The following SPTLC3 variants were observed in gnomAD, a reference collection of about 807,000 sequenced individuals.
The protein encoded by SPTLC3 is serine palmitoyltransferase 3.
SPTLC3 carries 36 observed loss-of-function variants against 59.3 expected under a neutral mutation model. The observed-to-expected ratio is 0.61, with a 90% CI of 0.47 to 0.80. The LOEUF (loss-of-function observed/expected upper bound fraction) is 0.80, where lower values mean the gene tolerates loss of function less well. SPTLC3 is among the 30% of genes least tolerant of loss of function. The probability of loss-of-function intolerance (pLI) is 0.00; values close to 1 mark genes in which losing one functional copy is unlikely to be tolerated. For synonymous variants in SPTLC3, 257 were observed against 240.8 expected (o/e 1.07, Z -0.62); for missense variants, 625 against 685.1 (o/e 0.91, Z 0.98).
At chr20:13,147,255 G>T (rs948189829) in intron 9 of SPTLC3, among the ~76,000 whole-genome samples, 4 of 152,176 alleles carry the variant, frequency 2.6e-5, no homozygotes, top group Admixed American at 6.5e-5. Context: ...GAGAGCTTCA[G>T]TGCCTGATAA....
chr20:13,060,024 C>T (rs570682480), intron 2 of SPTLC3, among the ~76,000 whole-genome samples: 1 of 152,258 alleles, frequency 6.6e-6, no homozygotes, highest in South Asian at 2.1e-4. Context: ...TCCCCTTTCC[C>T]CTCAAACCTG....
At chr20:13,022,444 GA>G (rs1461689025) in intron 1 of SPTLC3, among the ~76,000 whole-genome samples, 1 of 152,190 alleles carries the variant, frequency 6.6e-6, no homozygotes, top group African/African-American at 2.4e-5. Context: ...TGCTGGTCAG[GA>G]ATTCAGAAAA....
chr20:13,122,601 A>G (rs1057165200), intron 8 of SPTLC3, among the ~76,000 whole-genome samples: 1 of 152,224 alleles, frequency 6.6e-6, no homozygotes, highest in Non-Finnish European at 1.5e-5. Context: ...TGTTCTGTCT[A>G]TAAAATGGGA....
At chr20:13,079,331 G>A (rs1280436484) in intron 4 of SPTLC3, among the ~76,000 whole-genome samples, 1 of 152,154 alleles carries the variant, frequency 6.6e-6, no homozygotes, top group Non-Finnish European at 1.5e-5. Flanking sequence ...TTCAGATCAG[G>A]TGAGAAAAGG....
chr20:13,050,589 C>G (rs1313012498), intron 2 of SPTLC3: 1 of 152,134 alleles, frequency 6.6e-6, no homozygotes, highest in African/African-American at 2.4e-5. Flanking sequence ...AAAGATCACC[C>G]AGGAAATTCA....
chr20:13,142,252 C>T (rs1372719791), intron 9 of SPTLC3, among the ~76,000 whole-genome samples: 1 of 152,214 alleles, frequency 6.6e-6, no homozygotes, highest in Non-Finnish European at 1.5e-5. Flanking sequence ...CCACTTCCTT[C>T]CAGCCGTCCC....
chr20:13,126,249 T>C (rs998370767), intron 8 of SPTLC3, among the ~76,000 whole-genome samples: 5 of 152,160 alleles, frequency 3.3e-5, no homozygotes, highest in African/African-American at 1.2e-4. Context: ...CCTGTATTCT[T>C]TGGGCACTGA....
chr20:13,072,858 C>T (rs898163143), intron 3 of SPTLC3, among the ~76,000 whole-genome samples: 2 of 152,206 alleles, frequency 1.3e-5, no homozygotes, highest in African/African-American at 2.4e-5. Flanking sequence ...ATGTCTTTCT[C>T]AAATGCTCTG....
intron 8 of SPTLC3, among the ~76,000 whole-genome samples, chr20:13,122,408 G>A (rs2037887675): frequency 6.6e-6 from 1 of 152,228 alleles, no homozygotes; most frequent in African/African-American, 2.4e-5. Context: ...GGTAAGGAGA[G>A]TGGAATTGGG....
chr20:13,153,890 C>A, intron 9 of SPTLC3, 113 bp from the exon 10 acceptor site: 2 of 1,389,348 alleles, frequency 1.4e-6, no homozygotes, highest in East Asian at 4.6e-5. Flanking sequence ...TTCCTCCTCC[C>A]AGCTAGTGCT....
intron 1 of SPTLC3, among the ~76,000 whole-genome samples, chr20:13,020,791 A>G (rs1985841493): frequency 6.6e-6 from 1 of 152,130 alleles, no homozygotes; most frequent in Non-Finnish European, 1.5e-5. Flanking sequence ...CGGTTCTGCC[A>G]CTTACTAATT....
At chr20:13,009,863 T>G (rs563000096) in intron 1 of SPTLC3, among the ~76,000 whole-genome samples, 8 of 152,322 alleles carry the variant, frequency 5.3e-5, no homozygotes, top group African/African-American at 1.7e-4. Flanking sequence ...ATTATTGGTG[T>G]GTAGTGGAGC....
chr20:13,058,199 A>G (rs1428517971), intron 2 of SPTLC3, among the ~76,000 whole-genome samples: 1 of 152,184 alleles, frequency 6.6e-6, no homozygotes, highest in Non-Finnish European at 1.5e-5. Context: ...GTTTGCATAA[A>G]TTATAAATTG....
chr20:13,009,800 A>G (rs1459958864), intron 1 of SPTLC3, among the ~76,000 whole-genome samples: 2 of 152,200 alleles, frequency 1.3e-5, no homozygotes, highest in Non-Finnish European at 2.9e-5. Context: ...TGTGGTGGAG[A>G]TGGCATTCTT....
intron 9 of SPTLC3, among the ~76,000 whole-genome samples, chr20:13,147,285 C>G (rs1430693977): frequency 1.3e-5 from 2 of 152,168 alleles, no homozygotes; most frequent in African/African-American, 4.8e-5. Context: ...TTCCTCTTAG[C>G]AAACCACTCC....
chr20:13,034,645 T>C (rs1201428967), intron 1 of SPTLC3, among the ~76,000 whole-genome samples: 1 of 152,056 alleles, frequency 6.6e-6, no homozygotes, highest in Non-Finnish European at 1.5e-5. Flanking sequence ...CACACAGACA[T>C]AGGAAGTACA....
At chr20:13,035,037 C>T (rs1207713544) in intron 1 of SPTLC3, among the ~76,000 whole-genome samples, 1 of 152,132 alleles carries the variant, frequency 6.6e-6, no homozygotes, top group Non-Finnish European at 1.5e-5. Context: ...TTGATCAATT[C>T]TTCCCTCATT....
intron 6 of SPTLC3, among the ~76,000 whole-genome samples, chr20:13,097,638 G>A (rs964532429): frequency 1.3e-5 from 2 of 152,118 alleles, no homozygotes; most frequent in African/African-American, 4.8e-5. Flanking sequence ...TGGACCCTGT[G>A]TGTCTCCAGA....
chr20:13,134,506 AG>A (rs1248913016), intron 9 of SPTLC3, among the ~76,000 whole-genome samples: 1 of 152,282 alleles, frequency 6.6e-6, no homozygotes, highest in East Asian at 1.9e-4. Flanking sequence ...AGTGATTACA[AG>A]GTCATCATAC....
Sources: allele counts gnomAD v4.1 joint callset (sites outside exome capture counted in the v4.1 genomes callset), GRCh38; gene constraint gnomAD v4.1.1; transcripts MANE v1.5; gene names NCBI Gene and HGNC (gene_info 2026-07-23, HGNC 2026-07-21).